The following FHL2 variants were observed in gnomAD, a reference collection of about 807,000 sequenced individuals.
FHL2 encodes four and a half LIM domains 2.
In FHL2, 20 loss-of-function variants were observed where a neutral mutation model predicts 32.7. The ratio of observed to expected loss-of-function variants is 0.61; its 90% CI spans 0.43 to 0.89. FHL2 has a LOEUF of 0.89. Among genes scored for constraint, FHL2 ranks in the 40% least tolerant of loss-of-function variants. FHL2 has a pLI of 0.00. For synonymous variants in FHL2, 123 were observed against 128.1 expected (o/e 0.96, Z 0.27); for missense variants, 311 against 358.6 (o/e 0.87, Z 1.07).
intron 3 of FHL2, among the ~76,000 whole-genome samples, chr2:105,381,640 C>G (rs1681893081): frequency 6.6e-6 from 1 of 152,164 alleles, no homozygotes; most frequent in Admixed American, 6.5e-5. Context: ...AGCTTTGCTT[C>G]TGATCCTAGG....
intron 1 of FHL2, among the ~76,000 whole-genome samples, chr2:105,419,755 A>G (rs180917043): frequency 9.0e-4 from 137 of 152,302 alleles, no homozygotes; most frequent in Non-Finnish European, 1.6e-3. Context: ...CTTCTTTTCT[A>G]TGAATGTCCC....
upstream of FHL2, among the ~76,000 whole-genome samples, chr2:105,403,812 G>A (rs1683546728): frequency 1.3e-5 from 2 of 152,236 alleles, no homozygotes; most frequent in Non-Finnish European, 2.9e-5. Context: ...CTAAAATCCA[G>A]TTGGAAGTAT....
At chr2:105,429,108 A>T (rs1684346236) in intron 1 of FHL2, among the ~76,000 whole-genome samples, 1 of 152,170 alleles carries the variant, frequency 6.6e-6, no homozygotes, top group East Asian at 1.9e-4. Context: ...TGGCATACAA[A>T]ACCTGAATCT....
chr2:105,369,695 G>A (rs1242761064), intron 4 of FHL2, among the ~76,000 whole-genome samples: 1 of 152,216 alleles, frequency 6.6e-6, no homozygotes, highest in Non-Finnish European at 1.5e-5. Context: ...CAACCTCCAT[G>A]CATACTTTTG....
chr2:105,401,417 G>A (rs1483006662), upstream of FHL2, among the ~76,000 whole-genome samples: 1 of 152,140 alleles, frequency 6.6e-6, no homozygotes, highest in Non-Finnish European at 1.5e-5. Context: ...TGGATATGCA[G>A]CAGTTCATCT....
rs79134579 is a variant in FHL2 at position 105,423,478 on chromosome 2, T to C, written c.-25+14921A>G. Reference sequence around the variant, plus strand: ...ATACTTCTAACAGTATTTTTAGCTATTTGATAGACAACAGTTGCTTCTCTT... The same window carrying C: ...ATACTTCTAACAGTATTTTTAGCTACTTGATAGACAACAGTTGCTTCTCTT... On this transcript the variant is annotated intron_variant, in intron 1 of 5. Transcript: ENST00000393352. 9.1e-3 allele frequency among the ~76,000 whole-genome samples: 1,388 copies of C among 152,320 alleles called. 21 individuals are homozygous for C. The highest frequency in any genetic ancestry group is 0.032 in the African/African-American group (1,325 of 41,570).
At chr2:105,411,873 G>A (rs535164699) in intron 1 of FHL2, among the ~76,000 whole-genome samples, 3 of 151,950 alleles carry the variant, frequency 2.0e-5, no homozygotes, top group African/African-American at 7.2e-5. Context: ...GGATTGAGTA[G>A]AGAGCCCGAG....
chr2:105,382,515 G>T lies in FHL2; in HGVS notation c.156+3846C>A, dbSNP rs115701464. ...GGCCTCAGCGGCTACTCCATAAAAT[G>T]GAATGAAAAAAGTTCCTACCTATAG... On this transcript the variant is annotated intron_variant, in intron 3 of 6. Coordinates refer to ENST00000530340, the MANE Select transcript of FHL2 (RefSeq NM_001318895.3). Among the ~76,000 whole-genome samples, 1,184 of 152,238 alleles carry T rather than the reference G, an allele frequency of 7.8e-3. 6 individuals carry two copies. Among genetic ancestry groups the T allele is most frequent in the Admixed American group, 0.014 (214 of 15,302 alleles).
At chr2:105,380,079 A>G (rs1681772776) in intron 3 of FHL2, among the ~76,000 whole-genome samples, 1 of 152,222 alleles carries the variant, frequency 6.6e-6, no homozygotes, top group African/African-American at 2.4e-5. Flanking sequence ...AAAGTTCACA[A>G]TAAGGAGGAA....
At chr2:105,395,022 C>T (rs78041475) in intron 2 of FHL2, among the ~76,000 whole-genome samples, 1,547 of 152,300 alleles carry the variant, frequency 0.01, 28 homozygotes, top group African/African-American at 0.035. Context: ...GTTTTGATGT[C>T]GTTCAGCCTT....
At chr2:105,410,460 C>T (rs1372247639) in intron 1 of FHL2, among the ~76,000 whole-genome samples, 1 of 152,032 alleles carries the variant, frequency 6.6e-6, no homozygotes, top group African/African-American at 2.4e-5. Context: ...GGGCCATGAC[C>T]CATTTTAATG....
At chr2:105,375,816 G>T (rs1193102713) in intron 3 of FHL2, 1 of 152,210 alleles carries the variant, frequency 6.6e-6, no homozygotes, top group African/African-American at 2.4e-5. Flanking sequence ...CCCAAACTGG[G>T]TATGCACTGG....
At chr2:105,364,073 A>G (rs1354539328) in intron 5 of FHL2, among the ~76,000 whole-genome samples, 5 of 152,132 alleles carry the variant, frequency 3.3e-5, no homozygotes, top group Non-Finnish European at 7.4e-5. Flanking sequence ...CCTGGCCAAC[A>G]TGGCGAAACC....
At chr2:105,383,855 C>T (rs1380811561) in intron 3 of FHL2, among the ~76,000 whole-genome samples, 1 of 152,250 alleles carries the variant, frequency 6.6e-6, no homozygotes, top group Non-Finnish European at 1.5e-5. Flanking sequence ...CTCGCTTCAA[C>T]TCAATGTCTC....
chr2:105,362,982 T>G (rs1041739430), intron 6 of FHL2: 2 of 336,124 alleles, frequency 6.0e-6, no homozygotes, highest in Non-Finnish European at 1.1e-5. Flanking sequence ...TTTATTGTGC[T>G]TTTGTGATGT....
chr2:105,363,854 A>G (rs1356370523), intron 5 of FHL2, among the ~76,000 whole-genome samples: 2 of 152,150 alleles, frequency 1.3e-5, no homozygotes, highest in African/African-American at 4.8e-5. Flanking sequence ...CCTACTCCTT[A>G]CCAGCCCTGT....
intron 2 of FHL2, among the ~76,000 whole-genome samples, chr2:105,387,779 C>A (rs1003808677): frequency 1.1e-4 from 16 of 152,248 alleles, no homozygotes; most frequent in Admixed American, 6.5e-4. Context: ...GAATACAAAT[C>A]ATTCTACCAT....
chr2:105,398,717 G>C (rs1377763338), intron 1 of FHL2, 125 bp downstream of exon 1: 25 of 564,704 alleles, frequency 4.4e-5, no homozygotes, highest in Middle Eastern at 3.5e-4. Context: ...CCAACCCCCA[G>C]GGTTCGGCTC....
chr2:105,411,164 C>G (rs1013823873), intron 1 of FHL2, among the ~76,000 whole-genome samples: 1 of 152,196 alleles, frequency 6.6e-6, no homozygotes, highest in African/African-American at 2.4e-5. Flanking sequence ...TAGGTTCATT[C>G]TTTCTCATTT....
Sources: allele counts gnomAD v4.1 joint callset (sites outside exome capture counted in the v4.1 genomes callset), GRCh38; gene constraint gnomAD v4.1.1; transcripts MANE v1.5; gene names NCBI Gene and HGNC (gene_info 2026-07-23, HGNC 2026-07-21).